SEC14L5: variants seen among roughly 807,000 people sequenced by gnomAD.
The protein encoded by SEC14L5 is SEC14 like lipid binding 5.
A neutral mutation model predicts 84.6 loss-of-function variants in SEC14L5; 96 were observed. The observed-to-expected ratio is 1.13, with a 90% confidence interval of 0.96 to 1.34. SEC14L5 has a LOEUF of 1.34. Among genes scored for constraint, SEC14L5 ranks in the 40% most tolerant of loss-of-function variants. The pLI is 0.00. For synonymous variants in SEC14L5, 546 were observed against 383.4 expected (o/e 1.42, Z -4.95); for missense variants, 1,224 against 942.5 (o/e 1.30, Z -3.91).
At chr16:4,996,230 TG>T in intron 6 of SEC14L5, 117 bp from the exon 7 acceptor site, 1 of 639,516 alleles carries the variant, frequency 1.6e-6, no homozygotes, top group Non-Finnish European at 2.8e-6. Context: ...GGGCTTAGCC[TG>T]GTTTGGAACC....
At position 5,010,795 on chromosome 16, in the gene SEC14L5, A is replaced by G. The variant is rs552966978; in HGVS notation, c.1801-300A>G. 1.6e-5 allele frequency: 6 copies of G among 381,408 alleles called. No individual in the cohort carries two copies. In the South Asian group the frequency reaches 3.4e-4, roughly 22 times the overall value. 23.6% of individuals were successfully genotyped at this position (381,408 alleles called of 1,614,324 possible). A position where few individuals can be genotyped will look rare whatever the true frequency, so the allele number is the denominator to read the frequency against. ...TTTGCAAATCCCACTCAGCAGAGCA[A>G]AAGCCCCACAAAATCCAGGTGTTTA... On this transcript the variant is annotated intron_variant, in intron 14 of 15. Transcript: ENST00000251170.
intron 2 of SEC14L5, among the ~76,000 whole-genome samples, chr16:4,961,158 A>T (rs1722736609): frequency 6.6e-6 from 1 of 151,636 alleles, no homozygotes; most frequent in South Asian, 2.1e-4. Context: ...CTGTAGTCCC[A>T]TCTACTCGGG....
At chr16:4,988,703 C>T (rs1185507212) in intron 4 of SEC14L5, among the ~76,000 whole-genome samples, 1 of 152,184 alleles carries the variant, frequency 6.6e-6, no homozygotes, top group African/African-American at 2.4e-5. Context: ...TATGTGGCGC[C>T]TTTAGACCAG....
chr16:4,970,543 C>A (rs1157416489), intron 2 of SEC14L5, among the ~76,000 whole-genome samples: 1 of 152,164 alleles, frequency 6.6e-6, no homozygotes, highest in Non-Finnish European at 1.5e-5. Context: ...TCCTGACATA[C>A]CATGTAAATG....
At chr16:4,996,207 C>A (rs2908675) in intron 6 of SEC14L5, 141 bp from the exon 7 acceptor site, 92,378 of 580,686 alleles carry the variant, frequency 0.16, 8,165 homozygotes, top group Middle Eastern at 0.23. Context: ...CCGGTGGCTG[C>A]TGTCTGGGGC....
chr16:4,967,986 C>T (rs886821848), intron 2 of SEC14L5, among the ~76,000 whole-genome samples: 2 of 136,888 alleles, frequency 1.5e-5, no homozygotes, highest in Non-Finnish European at 3.2e-5. Context: ...CCTCCCCTCT[C>T]CTTCCCTTCC....
At chr16:5,005,634 G>C (rs922561221) in intron 11 of SEC14L5, among the ~76,000 whole-genome samples, 1 of 152,008 alleles carries the variant, frequency 6.6e-6, no homozygotes, top group African/African-American at 2.4e-5. Flanking sequence ...GGCCGAGGCA[G>C]GTGGATCACG....
At chr16:4,996,742 C>T in intron 7 of SEC14L5, 113 bp from the exon 8 acceptor site, 3 of 814,380 alleles carry the variant, frequency 3.7e-6, no homozygotes, top group South Asian at 1.8e-5. Context: ...TGGCTAATTT[C>T]TGTACTTTTT....
chr16:5,002,000 GC>G (rs1309338164), intron 10 of SEC14L5, among the ~76,000 whole-genome samples: 1 of 152,158 alleles, frequency 6.6e-6, no homozygotes, highest in Admixed American at 6.5e-5. Flanking sequence ...AAACTCCTGG[GC>G]TGAAGTGATC....
chr16:4,993,040 T>G (rs2142508822), intron 6 of SEC14L5, among the ~76,000 whole-genome samples: 1 of 150,068 alleles, frequency 6.7e-6, no homozygotes, highest in South Asian at 2.1e-4. Flanking sequence ...AATTTATTAA[T>G]AAATATTAAT....
At chr16:4,986,792 T>G (rs919750128) in intron 2 of SEC14L5, among the ~76,000 whole-genome samples, 4 of 152,240 alleles carry the variant, frequency 2.6e-5, no homozygotes, top group African/African-American at 4.8e-5. Context: ...TTTTTGATGT[T>G]GTAAATAGAA....
intron 2 of SEC14L5, among the ~76,000 whole-genome samples, chr16:4,986,142 CTT>C (rs760379850): frequency 1.5e-4 from 22 of 143,220 alleles, no homozygotes; most frequent in Non-Finnish European, 1.5e-4. Flanking sequence ...TCTTCTTCTT[CTT>C]TTTTTTTTTT....
At chr16:5,009,447 C>T (rs904466857) in intron 14 of SEC14L5, among the ~76,000 whole-genome samples, 2 of 152,102 alleles carry the variant, frequency 1.3e-5, no homozygotes, top group African/African-American at 4.8e-5. Flanking sequence ...TCTCAGCCTT[C>T]TGAGTAGCTG....
intron 6 of SEC14L5, among the ~76,000 whole-genome samples, chr16:4,994,696 T>A (rs554983470): frequency 2.6e-5 from 4 of 151,712 alleles, no homozygotes; most frequent in Non-Finnish European, 4.4e-5. Context: ...TTTTTTTTTT[T>A]ATAACAGCGC....
intron 2 of SEC14L5, among the ~76,000 whole-genome samples, chr16:4,976,004 A>G (rs1445587406): frequency 1.3e-5 from 2 of 152,200 alleles, no homozygotes; most frequent in African/African-American, 4.8e-5. Flanking sequence ...ATGAGGAAGA[A>G]CAGGAAGGAA....
chr16:5,014,850 C>T lies in SEC14L5; in HGVS notation c.1980-9C>T. 6.2e-7 allele frequency: 1 copy of T among 1,610,800 alleles called. No individual in the cohort carries two copies. Among genetic ancestry groups the T allele is most frequent in the Non-Finnish European group, 8.5e-7 (1 of 1,177,220 alleles). On this transcript the variant is annotated splice_polypyrimidine_tract_variant and intron_variant, in intron 15 of 15. Transcript: ENST00000251170. ...AGAGGGTAACGTGTGCCACGCCCTTCCTCCCCAGGGGCTCCATGTCCAGCC... is the reference window on the plus strand; with the variant it reads ...AGAGGGTAACGTGTGCCACGCCCTTTCTCCCCAGGGGCTCCATGTCCAGCC...
At chr16:4,991,162 C>CTTTTT (rs35980290) in intron 5 of SEC14L5, among the ~76,000 whole-genome samples, 7 of 85,494 alleles carry the variant, frequency 8.2e-5, no homozygotes, top group Admixed American at 1.3e-4. Flanking sequence ...TTCTGTGGTG[C>CTTTTT]TTTTTTTTTT....
intron 2 of SEC14L5, among the ~76,000 whole-genome samples, chr16:4,983,515 CTATA>C (rs1955450571): frequency 6.7e-6 from 1 of 149,772 alleles, no homozygotes; most frequent in South Asian, 2.1e-4. Context: ...TATATGCACA[CTATA>C]TAAATTGTGT....
intron 2 of SEC14L5, among the ~76,000 whole-genome samples, chr16:4,972,554 C>A (rs759982170): frequency 3.3e-5 from 5 of 152,204 alleles, no homozygotes; most frequent in Non-Finnish European, 7.3e-5. Flanking sequence ...TTTGACCATT[C>A]TAGGTACCTC....
Sources: allele counts gnomAD v4.1 joint callset (sites outside exome capture counted in the v4.1 genomes callset), GRCh38; gene constraint gnomAD v4.1.1; transcripts MANE v1.5; gene names NCBI Gene and HGNC (gene_info 2026-07-23, HGNC 2026-07-21).